The following MAP2K5 variants were observed in gnomAD, a reference collection of about 807,000 sequenced individuals.
The protein encoded by MAP2K5 is mitogen-activated protein kinase kinase 5, also known as dual specificity mitogen-activated protein kinase kinase 5.
MAP2K5 carries 49 observed loss-of-function variants against 83.1 expected under a neutral mutation model. The observed-to-expected ratio is 0.59, with a 90% confidence interval of 0.47 to 0.75. The LOEUF (loss-of-function observed/expected upper bound fraction) is 0.75. Ranked by LOEUF, MAP2K5 falls within the 30% of genes least tolerant of loss-of-function variation. The pLI is 0.00. For synonymous variants in MAP2K5, 202 were observed against 191.8 expected, an observed-to-expected ratio of 1.05 and a Z score of -0.44; for missense variants, 457 against 557.5, an observed-to-expected ratio of 0.82 and a Z score of 1.82.
intron 1 of MAP2K5, chr15:67,549,290 A>G: frequency 5.8e-6 from 7 of 1,210,130 alleles, no homozygotes; most frequent in Non-Finnish European, 7.0e-6. Flanking sequence ...TTATTTAAGC[A>G]TTGATGTCAG....
In MAP2K5 at chr15:67,572,800, G is replaced by A. The variant is rs1196211375; in HGVS notation, c.253-7954G>A. Among the ~76,000 whole-genome samples, 1 of 151,998 alleles carries A rather than the reference G, an allele frequency of 6.6e-6. No homozygotes were observed. The highest frequency in any genetic ancestry group is 1.5e-5 in the Non-Finnish European group (1 of 68,012). On this transcript the variant is annotated intron_variant, in intron 3 of 21. Coordinates refer to ENST00000178640, the MANE Select transcript of MAP2K5 (RefSeq NM_145160.3). This position sits in a 1 kb window ranked among gnomAD's most constrained non-coding sequence, Gnocchi z 4.2. ...CTGCAAACTCACCTCTCGGGTTCAAGTGATTCTCCTGCCTCAACCTCCTGA... is the reference window on the plus strand; with the variant it reads ...CTGCAAACTCACCTCTCGGGTTCAAATGATTCTCCTGCCTCAACCTCCTGA...
intron 17 of MAP2K5, 125 bp downstream of exon 17, chr15:67,728,070 T>C (rs1296856833): frequency 1.2e-6 from 1 of 815,840 alleles, no homozygotes; most frequent in Non-Finnish European, 2.1e-6. Context: ...TGAAAAGTGG[T>C]ATCTTAAAGG....
intron 19 of MAP2K5, among the ~76,000 whole-genome samples, chr15:67,756,773 G>A (rs2089846829): frequency 6.6e-6 from 1 of 151,988 alleles, no homozygotes; most frequent in Non-Finnish European, 1.5e-5. Flanking sequence ...CATATTAAGT[G>A]AGATCATGCA....
At chr15:67,586,471 TC>T (rs2085293225) in intron 5 of MAP2K5, among the ~76,000 whole-genome samples, 1 of 152,190 alleles carries the variant, frequency 6.6e-6, no homozygotes, top group Admixed American at 6.5e-5. Context: ...CATACAGTGT[TC>T]TGCTTGGTTG....
At chr15:67,583,547 G>A (rs1202770733) in intron 4 of MAP2K5, among the ~76,000 whole-genome samples, 5 of 151,946 alleles carry the variant, frequency 3.3e-5, no homozygotes, top group African/African-American at 4.8e-5. Context: ...TGTCTACATC[G>A]AATGTACATT....
At chr15:67,612,145 A>G (rs1343333959) in intron 8 of MAP2K5, among the ~76,000 whole-genome samples, 1 of 149,858 alleles carries the variant, frequency 6.7e-6, no homozygotes, top group Non-Finnish European at 1.5e-5. Context: ...CATTTCTGGA[A>G]TCTAAATATT....
At chr15:67,650,953 G>A (rs143763308) in intron 11 of MAP2K5, among the ~76,000 whole-genome samples, 1,566 of 152,242 alleles carry the variant, frequency 0.01, 15 homozygotes, top group Non-Finnish European at 0.017. Context: ...GGTGGCTCAC[G>A]CCTGTAATCC....
At chr15:67,718,455 T>A (rs1189441310) in intron 16 of MAP2K5, among the ~76,000 whole-genome samples, 1 of 152,166 alleles carries the variant, frequency 6.6e-6, no homozygotes, top group Non-Finnish European at 1.5e-5. Context: ...CAGTTAACTC[T>A]AATCATTTTT....
intron 6 of MAP2K5, among the ~76,000 whole-genome samples, chr15:67,589,897 A>G (rs1453354068): frequency 2.0e-5 from 3 of 151,980 alleles, no homozygotes; most frequent in Non-Finnish European, 4.4e-5. Flanking sequence ...AGGGATAATA[A>G]CTATACCTAA....
intron 15 of MAP2K5, among the ~76,000 whole-genome samples, chr15:67,695,272 A>T (rs142732729): frequency 1.8e-4 from 27 of 149,302 alleles, no homozygotes; most frequent in South Asian, 4.2e-4. Context: ...TAATAAATTT[A>T]AAAAAAAAAG....
At chr15:67,661,525 C>G (rs1049404358) in intron 12 of MAP2K5, among the ~76,000 whole-genome samples, 1 of 152,092 alleles carries the variant, frequency 6.6e-6, no homozygotes, top group African/African-American at 2.4e-5. Context: ...TCACAGATTT[C>G]TAGCTCCTTT....
chr15:67,661,015 A>G (rs186692715), intron 12 of MAP2K5, among the ~76,000 whole-genome samples: 13 of 128,022 alleles, frequency 1.0e-4, no homozygotes. Flanking sequence ...TCCCAAATTA[A>G]CTTTATTTTC....
Position 67,632,950 on chromosome 15 carries a change from G to T in MAP2K5, c.585+2023G>T, listed in dbSNP as rs12905628. Among the ~76,000 whole-genome samples, 1,192 of 152,216 alleles carry T rather than the reference G, an allele frequency of 7.8e-3. 17 individuals are homozygous for T. Among genetic ancestry groups the T allele is most frequent in the South Asian group, 0.032 (153 of 4,816 alleles). On this transcript the variant is annotated intron_variant, in intron 9 of 21. Coordinates refer to ENST00000178640, the MANE Select transcript of MAP2K5 (RefSeq NM_145160.3). ...ATAGCTTGTGAGGGGGTACAACAGAGCTTCCTTTGAGATATTTTCTTTGAC... is the reference window on the plus strand; with the variant it reads ...ATAGCTTGTGAGGGGGTACAACAGATCTTCCTTTGAGATATTTTCTTTGAC...
intron 21 of MAP2K5, among the ~76,000 whole-genome samples, chr15:67,805,159 C>T (rs938280780): frequency 9.9e-5 from 15 of 152,226 alleles, no homozygotes; most frequent in African/African-American, 3.6e-4. Context: ...ATCTTCGAAG[C>T]CGAGTTTCCT....
chr15:67,654,680 G>A (rs924600983), intron 11 of MAP2K5, among the ~76,000 whole-genome samples: 4 of 152,068 alleles, frequency 2.6e-5, no homozygotes, highest in Admixed American at 2.6e-4. Flanking sequence ...GTGTTTTTGA[G>A]TTATATTCTT....
At chr15:67,567,498 G>A (rs945209322) in intron 3 of MAP2K5, among the ~76,000 whole-genome samples, 1 of 151,800 alleles carries the variant, frequency 6.6e-6, no homozygotes, top group African/African-American at 2.4e-5. Flanking sequence ...CCGAGTAGCT[G>A]GGACTACAGG....
At chr15:67,743,337 A>G (rs1402922639) in intron 17 of MAP2K5, among the ~76,000 whole-genome samples, 2 of 152,248 alleles carry the variant, frequency 1.3e-5, no homozygotes, top group African/African-American at 4.8e-5. Context: ...ATATACTAAT[A>G]GACCCACAGA....
chr15:67,683,440 A>G (rs1012454330), intron 13 of MAP2K5, among the ~76,000 whole-genome samples: 1 of 152,224 alleles, frequency 6.6e-6, no homozygotes, highest in Non-Finnish European at 1.5e-5. Context: ...GGTCAATACA[A>G]TGAACAAAAG....
chr15:67,670,820 C>G (rs1205834162), intron 13 of MAP2K5, among the ~76,000 whole-genome samples: 1 of 152,004 alleles, frequency 6.6e-6, no homozygotes, highest in Non-Finnish European at 1.5e-5. Flanking sequence ...GGAAGAGAAA[C>G]AGAAACTTAG....
Sources: gnomAD v4.1 joint callset for allele counts (sites outside exome capture counted in the v4.1 genomes callset) on GRCh38, gnomAD v4.1.1 for gene constraint, Gnocchi (gnomAD v3.1) non-coding constraint, MANE v1.5 for transcripts, NCBI Gene and HGNC (gene_info 2026-07-23, HGNC 2026-07-21) for gene names.